Variants in VPS13B observed in about 807,000 individuals in gnomAD.
VPS13B encodes vacuolar protein sorting 13 homolog B, also known as intermembrane lipid transfer protein VPS13B.
In VPS13B, 285 loss-of-function variants were observed where a neutral mutation model predicts 426.4. The ratio of observed to expected loss-of-function variants is 0.67; its 90% confidence interval spans 0.61 to 0.74. The LOEUF (loss-of-function observed/expected upper bound fraction) is 0.74, where lower values mean the gene tolerates loss of function less well. VPS13B is among the 30% of genes least tolerant of loss of function. The pLI is 0.00. For missense variants in VPS13B, 4,537 were observed against 4,782.6 expected (o/e 0.95, Z 1.51); for synonymous variants, 1,676 against 1,676.4 (o/e 1.00, Z 0.01).
At chr8:99,556,382 A>G (rs1824566655) in intron 30 of VPS13B, 68 bp from the exon 31 acceptor site, 1 of 1,522,620 alleles carries the variant, frequency 6.6e-7, no homozygotes, top group Non-Finnish European at 8.9e-7. Context: ...AGTGAACAAA[A>G]TAAACATAGA....
intron 19 of VPS13B, among the ~76,000 whole-genome samples, chr8:99,343,151 T>C (rs1297845170): frequency 6.6e-6 from 1 of 151,780 alleles, no homozygotes; most frequent in African/African-American, 2.4e-5. Flanking sequence ...TGGAGTGCAG[T>C]GGCACAATCT....
intron 30 of VPS13B, among the ~76,000 whole-genome samples, chr8:99,537,635 A>T (rs1823327536): frequency 6.6e-6 from 1 of 152,160 alleles, no homozygotes; most frequent in African/African-American, 2.4e-5. Context: ...AGCTCTTTTT[A>T]ACAAGGGACT....
chr8:99,395,475 A>C (rs1814682671), intron 21 of VPS13B, among the ~76,000 whole-genome samples: 1 of 152,182 alleles, frequency 6.6e-6, no homozygotes, highest in South Asian at 2.1e-4. Flanking sequence ...TAGGACATTC[A>C]GTGGAGACCA....
At chr8:99,626,606 G>A (rs1196245609) in intron 33 of VPS13B, among the ~76,000 whole-genome samples, 3 of 152,150 alleles carry the variant, frequency 2.0e-5, no homozygotes, top group African/African-American at 2.4e-5. Flanking sequence ...TTATCTCAAA[G>A]CATATATTGA....
Position 99,073,176 on chromosome 8 carries a change from C to T in VPS13B, c.292-23136C>T, listed in dbSNP as rs558148364. On this transcript the variant is annotated intron_variant, in intron 3 of 61. Transcript: ENST00000357162. ...CTCTGGGTCACACCTGATGCTAGCA[C>T]AGCACTGGGTCTCACCCAGTGCTTT... Among the ~76,000 whole-genome samples, 60 of 152,174 alleles carry T rather than the reference C, an allele frequency of 3.9e-4. 1 individual carries two copies. Among genetic ancestry groups the T allele is most frequent in the Non-Finnish European group, 5.3e-4 (36 of 68,016 alleles).
chr8:99,345,459 G>A (rs1433569311), intron 19 of VPS13B, among the ~76,000 whole-genome samples: 1 of 152,054 alleles, frequency 6.6e-6, no homozygotes, highest in Non-Finnish European at 1.5e-5. Flanking sequence ...GCTATATAAA[G>A]GAATGAGTTT....
At chr8:99,502,787 T>C (rs762778109) in intron 26 of VPS13B, 49 bp from the exon 27 acceptor site, 2 of 1,343,146 alleles carry the variant, frequency 1.5e-6, no homozygotes, top group Non-Finnish European at 2.1e-6. Context: ...AAAGTTTTAA[T>C]ATTAATTGTG....
chr8:99,313,974 G>A (rs1038635202), intron 19 of VPS13B, among the ~76,000 whole-genome samples: 13 of 152,232 alleles, frequency 8.5e-5, no homozygotes, highest in South Asian at 8.3e-4. Context: ...AGCCAGGCAC[G>A]GGATATAATC....
At position 99,591,020 on chromosome 8, in the gene VPS13B, A is replaced by C. The variant is rs189375043; in HGVS notation, c.5220+13387A>C. Among the ~76,000 whole-genome samples the C allele has an allele frequency of 6.7e-3, 1,014 of 151,996 alleles. 9 individuals are homozygous for C. Among genetic ancestry groups the C allele is most frequent in the African/African-American group, 0.023 (956 of 41,468 alleles). On this transcript the variant is annotated intron_variant, in intron 33 of 61. Transcript: ENST00000357162. Reference sequence around the variant, plus strand: ...ACTTGCTTTATGAATCTGGGTGCTCATGTGTTGGGTGTATATATATTTAGT... The same window carrying C: ...ACTTGCTTTATGAATCTGGGTGCTCCTGTGTTGGGTGTATATATATTTAGT...
chr8:99,030,461 A>AGTGTGTGTGTGTGT (rs34944940), intron 2 of VPS13B, among the ~76,000 whole-genome samples: 1 of 144,792 alleles, frequency 6.9e-6, no homozygotes, highest in Non-Finnish European at 1.5e-5. Context: ...TGAGTGAGTG[A>AGTGTGTGTGTGTGT]GTGTGTGTGT....
intron 25 of VPS13B, among the ~76,000 whole-genome samples, chr8:99,493,687 C>T (rs1296331009): frequency 6.8e-6 from 1 of 147,324 alleles, no homozygotes; most frequent in Admixed American, 7.0e-5. Flanking sequence ...GAGGCTGCAA[C>T]AGGAGAATCA....
rs749969945 is a variant in VPS13B, at chr8:99,720,981, T to G, written c.6984T>G (p.Thr2328=). ...EPRVLTLVRI[T]PVPFNTTEDP... is the part of the protein sequence containing the mutation. Reference sequence around the variant, plus strand: ...GAGTACTCACCCTTGTACGAATAACTCCTGTACCTTTTAACACCACAGAGG... The same window carrying G: ...GAGTACTCACCCTTGTACGAATAACGCCTGTACCTTTTAACACCACAGAGG... The change falls in exon 39 of 62, where the codon ACT becomes ACG. Residue 2328 remains threonine, a synonymous_variant. Coordinates refer to ENST00000357162, the MANE Select transcript of VPS13B (RefSeq NM_152564.5). The G allele has an allele frequency of 6.2e-7, 1 of 1,614,012 alleles. No individual in the cohort carries two copies. Among genetic ancestry groups the G allele is most frequent in the Non-Finnish European group, 8.5e-7 (1 of 1,179,936 alleles).
At position 99,261,551 on chromosome 8, in the gene VPS13B, C is replaced by T. The variant is rs141746839; in HGVS notation, c.2516-12647C>T. ...ATCTGTTTGCAGGTTTTTGTGTGGACTTGTCTCACCTCCTTTGGGTAGATA... is the reference window on the plus strand; with the variant it reads ...ATCTGTTTGCAGGTTTTTGTGTGGATTTGTCTCACCTCCTTTGGGTAGATA... On this transcript the variant is annotated intron_variant, in intron 17 of 61. Coordinates refer to ENST00000357162, the MANE Select transcript of VPS13B (RefSeq NM_152564.5). Among the ~76,000 whole-genome samples the T allele has an allele frequency of 6.6e-5, 10 of 152,258 alleles. No homozygotes were observed. The East Asian group carries it at 1.9e-3, about 29-fold the overall frequency.
At chr8:99,659,194 T>C (rs146551448) in intron 34 of VPS13B, among the ~76,000 whole-genome samples, 131 of 152,332 alleles carry the variant, frequency 8.6e-4, no homozygotes, top group African/African-American at 3.1e-3. Context: ...TCTTTAATTA[T>C]TAAGATTTAG....
chr8:99,747,106 T>G (rs1159567425), intron 39 of VPS13B, among the ~76,000 whole-genome samples: 1 of 152,124 alleles, frequency 6.6e-6, no homozygotes, highest in East Asian at 1.9e-4. Context: ...CCTCCCAAAG[T>G]CCTTTCCAGT....
At chr8:99,601,162 C>A (rs1039995151) in intron 33 of VPS13B, among the ~76,000 whole-genome samples, 1 of 152,064 alleles carries the variant, frequency 6.6e-6, no homozygotes, top group Non-Finnish European at 1.5e-5. Context: ...CCCTGACCCC[C>A]CAACAGGCTC....
intron 30 of VPS13B, among the ~76,000 whole-genome samples, chr8:99,531,749 A>G (rs916958691): frequency 2.9e-4 from 44 of 152,064 alleles, no homozygotes; most frequent in African/African-American, 9.4e-4. Context: ...ATCTTGTGCA[A>G]TTGAGAAATA....
chr8:99,027,818 T>C (rs1842216959), intron 2 of VPS13B, among the ~76,000 whole-genome samples: 1 of 151,822 alleles, frequency 6.6e-6, no homozygotes, highest in Non-Finnish European at 1.5e-5. Flanking sequence ...CATAGGACAA[T>C]AGTGGAGGGA....
At chr8:99,664,715 C>T (rs929024635) in intron 35 of VPS13B, among the ~76,000 whole-genome samples, 7 of 152,136 alleles carry the variant, frequency 4.6e-5, no homozygotes, top group Non-Finnish European at 8.8e-5. Context: ...TCCAGTCTAT[C>T]GTTGTTGGAC....
Sources: gnomAD v4.1 joint callset for allele counts (sites outside exome capture counted in the v4.1 genomes callset) on GRCh38, gnomAD v4.1.1 for gene constraint, MANE v1.5 for transcripts, NCBI Gene and HGNC (gene_info 2026-07-23, HGNC 2026-07-21) for gene names.